EEF1A2: variants seen among roughly 807,000 people sequenced by gnomAD.
EEF1A2 encodes eukaryotic translation elongation factor 1 alpha 2, also known as elongation factor 1-alpha 2.
Under a neutral mutation model 39.3 loss-of-function variants are expected in EEF1A2, and 5 were observed. The ratio of observed to expected loss-of-function variants is 0.13; its 90% CI spans 0.07 to 0.27. The LOEUF (loss-of-function observed/expected upper bound fraction) is 0.27. EEF1A2 is among the 10% of genes least tolerant of loss of function. The pLI, the probability that EEF1A2 is intolerant of heterozygous loss-of-function variation, is 1.00. For missense variants in EEF1A2, 218 were observed against 681.4 expected, an observed-to-expected ratio of 0.32 and a Z score of 7.57; for synonymous variants, 287 against 293.7, an observed-to-expected ratio of 0.98 and a Z score of 0.23.
intron 5 of EEF1A2, among the ~76,000 whole-genome samples, chr20:63,491,770 A>G (rs1360267150): frequency 7.6e-6 from 1 of 132,436 alleles, no homozygotes; most frequent in Non-Finnish European, 1.6e-5. Context: ...GGATTGGTGG[A>G]TGGATGGATG....
In EEF1A2 at chr20:63,497,552, A is replaced by C. The variant is rs887707387; in HGVS notation, c.144+68T>G. Reference sequence around the variant, plus strand: ...CCATGCCCTGGGGCTGGGAGATGCCAAGCCTGGCCACCACGGGAGTTGGGG... The same window carrying C: ...CCATGCCCTGGGGCTGGGAGATGCCCAGCCTGGCCACCACGGGAGTTGGGG... On this transcript the variant is annotated intron_variant, in intron 2 of 7. Coordinates refer to ENST00000217182, the MANE Select transcript of EEF1A2 (RefSeq NM_001958.5). The surrounding 1 kb of genome is among the most constrained non-coding windows in gnomAD (Gnocchi z 7.3). 6.4e-7 allele frequency: 1 copy of C among 1,560,422 alleles called. No homozygotes were observed. The highest frequency in any genetic ancestry group is 8.7e-7 in the Non-Finnish European group (1 of 1,151,304).
At chr20:63,489,249 G>A in intron 6 of EEF1A2, 97 bp from the exon 7 acceptor site, 1 of 1,260,570 alleles carries the variant, frequency 7.9e-7, no homozygotes, top group Non-Finnish European at 1.1e-6. Flanking sequence ...CGGCGCCCCT[G>A]CACGGGCTCC....
chr20:63,490,068 T>TTTTTTTTTTTTTTTTTTTTTTTTTTTC (rs1491473743), intron 6 of EEF1A2: 3 of 66,714 alleles, frequency 4.5e-5, no homozygotes, highest in Non-Finnish European at 1.0e-4. Context: ...GTCCCTTTTC[T>TTTTTTTTTTTTTTTTTTTTTTTTTTTC]TTTTTTTTTT....
In EEF1A2 at chr20:63,489,182, G is replaced by A. The variant is rs532099856; in HGVS notation, c.1030-30C>T. The A allele has an allele frequency of 5.3e-4, 851 of 1,602,760 alleles. 13 individuals are homozygous for A. The South Asian group carries it at 8.6e-3, about 16-fold the overall frequency. ...GAGCGGAGCCACAGGCGGCCATCAG[G>A]CACATCGGCGGTGGGCACCGGGAGG... On this transcript the variant is annotated intron_variant, in intron 6 of 7. Coordinates refer to ENST00000217182, the MANE Select transcript of EEF1A2 (RefSeq NM_001958.5).
chr20:63,489,421 G>T (rs1446118190), intron 6 of EEF1A2, among the ~76,000 whole-genome samples: 1 of 150,202 alleles, frequency 6.7e-6, no homozygotes, highest in East Asian at 1.9e-4. Flanking sequence ...GAACTAAGGC[G>T]GGGGGGTGAC....
rs1246419909 is a variant in EEF1A2 at position 63,489,267 on chromosome 20, G to A, written c.1030-115C>T. 8.3e-5 allele frequency: 86 copies of A among 1,038,576 alleles called. No homozygotes were observed. In the East Asian group the frequency reaches 1.9e-3, roughly 23 times the overall value. 64.3% of individuals were successfully genotyped at this position (1,038,576 alleles called of 1,614,324 possible). A position where few individuals can be genotyped will look rare whatever the true frequency, so the allele number is the denominator to read the frequency against. ...CGCCCCTGCACGGGCTCCTGGGCCC[G>A]GAGTGCTGACTGGAGGGGGCTCAGG... is the stretch of plus-strand genomic sequence containing the variant. On this transcript the variant is annotated intron_variant, in intron 6 of 7. Coordinates refer to ENST00000217182, the MANE Select transcript of EEF1A2 (RefSeq NM_001958.5).
Position 63,497,918 on chromosome 20 carries a change from G to T in EEF1A2, c.-71-84C>A. The T allele has an allele frequency of 2.9e-6, 3 of 1,049,406 alleles. No individual in the cohort carries two copies. The highest frequency in any genetic ancestry group is 1.6e-5 in the African/African-American group (1 of 62,286). 65.0% of individuals were successfully genotyped at this position (1,049,406 alleles called of 1,614,324 possible). A position where few individuals can be genotyped will look rare whatever the true frequency, so the allele number is the denominator to read the frequency against. ...GCAGAGACTGTCCTGGCACAGGCTG[G>T]ACAGGCATCCCTGCCCACAAACCAA... On this transcript the variant is annotated intron_variant, in intron 1 of 7. Transcript: ENST00000217182. This position sits in a 1 kb window ranked among gnomAD's most constrained non-coding sequence, Gnocchi z 7.3.
At position 63,488,479 on chromosome 20, in the gene EEF1A2, A is replaced by G. The variant is rs548808213; in HGVS notation, c.1265-54T>C. 3.3e-4 allele frequency: 445 copies of G among 1,335,600 alleles called. 2 individuals carry two copies. In the African/African-American group the frequency reaches 6.4e-3, roughly 19 times the overall value. 82.7% of individuals were successfully genotyped at this position (1,335,600 alleles called of 1,614,324 possible). A position where few individuals can be genotyped will look rare whatever the true frequency, so the allele number is the denominator to read the frequency against. On this transcript the variant is annotated intron_variant, in intron 7 of 7. Coordinates refer to ENST00000217182, the MANE Select transcript of EEF1A2 (RefSeq NM_001958.5). ...GGGCCGGAGGACTTGACCCCCCCCA[A>G]CCCCAGGGCTCTGGCCGGGCGGGGG...
At chr20:63,493,642 G>A (rs1030704861) in intron 4 of EEF1A2, among the ~76,000 whole-genome samples, 1 of 152,188 alleles carries the variant, frequency 6.6e-6, no homozygotes, top group Non-Finnish European at 1.5e-5. Flanking sequence ...TTGACTAGGA[G>A]GATGCTGAGT....
intron 2 of EEF1A2, chr20:63,496,352 G>A (rs1169810090): frequency 1.7e-5 from 6 of 363,034 alleles, no homozygotes; most frequent in Admixed American, 1.3e-4. Flanking sequence ...CCTCCCGGGC[G>A]AGGGCTCCCC....
rs754595612 is a variant in EEF1A2, at chr20:63,493,125, G to A, written c.772+12C>T. The A allele has an allele frequency of 2.2e-5, 34 of 1,546,004 alleles. No individual in the cohort carries two copies. Among genetic ancestry groups the A allele is most frequent in the East Asian group, 7.3e-5 (3 of 40,920 alleles). On this transcript the variant is annotated intron_variant, in intron 5 of 7. Coordinates refer to ENST00000217182, the MANE Select transcript of EEF1A2 (RefSeq NM_001958.5). ...GGCCAGGCAGGAGCTCCAGCACAGCGCCCTTGCTCACCGCCAATCTTGTAC... is the reference window on the plus strand; with the variant it reads ...GGCCAGGCAGGAGCTCCAGCACAGCACCCTTGCTCACCGCCAATCTTGTAC...
At chr20:63,489,286 G>A in intron 6 of EEF1A2, 134 bp from the exon 7 acceptor site, 1 of 820,636 alleles carries the variant, frequency 1.2e-6, no homozygotes, top group Non-Finnish European at 1.9e-6. Flanking sequence ...ACTGGAGGGG[G>A]CTCAGGCTCT....
At chr20:63,493,452 C>G (rs1326010801) in intron 4 of EEF1A2, among the ~76,000 whole-genome samples, 165 bp from the exon 5 acceptor site, 1 of 152,114 alleles carries the variant, frequency 6.6e-6, no homozygotes, top group African/African-American at 2.4e-5. Context: ...CCCATAGCCC[C>G]AGCATCACAG....
Position 63,497,597 on chromosome 20 carries a change from A to C in EEF1A2, c.144+23T>G. 1 of 1,605,482 alleles carries C rather than the reference A, an allele frequency of 6.2e-7. No individual in the cohort carries two copies. Among genetic ancestry groups the C allele is most frequent in the Non-Finnish European group, 8.5e-7 (1 of 1,175,386 alleles). ...TTGGGGGTTCCTTCTCAGGGGGCCA[A>C]GACCATAGCCTGGGGAGCTCACCTC... is the stretch of plus-strand genomic sequence containing the variant. On this transcript the variant is annotated intron_variant, in intron 2 of 7. Transcript: ENST00000217182. This position sits in a 1 kb window ranked among gnomAD's most constrained non-coding sequence, Gnocchi z 7.3.
chr20:63,488,901 G>T lies in EEF1A2; in HGVS notation c.1264+17C>A. The T allele has an allele frequency of 6.2e-7, 1 of 1,607,138 alleles. No homozygotes were observed. Among genetic ancestry groups the T allele is most frequent in the Non-Finnish European group, 8.5e-7 (1 of 1,179,368 alleles). On this transcript the variant is annotated intron_variant, in intron 7 of 7. Transcript: ENST00000217182. Reference sequence around the variant, plus strand: ...CACAGCCTGGGGGCTGCACCTCCCCGGACCACCCCGGCTCACCGAGAGGCG... The same window carrying T: ...CACAGCCTGGGGGCTGCACCTCCCCTGACCACCCCGGCTCACCGAGAGGCG...
Position 63,497,950 on chromosome 20 carries a change from A to G in EEF1A2, c.-71-116T>C. On this transcript the variant is annotated intron_variant, in intron 1 of 7. Coordinates refer to ENST00000217182, the MANE Select transcript of EEF1A2 (RefSeq NM_001958.5). The surrounding 1 kb of genome is among the most constrained non-coding windows in gnomAD (Gnocchi z 7.3). ...ATCCCTGCCCACAAACCAAGCCCCC[A>G]TGTTTGGTGGGGAGGGAAGGGCCCC... 2 of 779,082 alleles carry G rather than the reference A, an allele frequency of 2.6e-6. No individual in the cohort carries two copies. Among genetic ancestry groups the G allele is most frequent in the Non-Finnish European group, 3.8e-6 (2 of 521,510 alleles). The allele number at this position is 779,082 out of a possible 1,614,324, so 48.3% of individuals were successfully genotyped here.
rs1204531080 is a variant in EEF1A2 at position 63,488,293 on chromosome 20, G to A, written c.*5C>T. 5 of 1,288,324 alleles carry A rather than the reference G, an allele frequency of 3.9e-6. No individual in the cohort carries two copies. Among genetic ancestry groups the A allele is most frequent in the African/African-American group, 3.2e-5 (2 of 63,264 alleles). The allele number at this position is 1,288,324 out of a possible 1,614,324, so 79.8% of individuals were successfully genotyped here. A position where few individuals can be genotyped will look rare whatever the true frequency, so the allele number is the denominator to read the frequency against. ...GGGGAGGGTCGCGCCGCGGGCGCCC[G>A]CGCTTCACTTGCCCGCCTTCTGCGC... On this transcript the variant is annotated 3_prime_UTR_variant, in exon 8 of 8. Coordinates refer to ENST00000217182, the MANE Select transcript of EEF1A2 (RefSeq NM_001958.5).
intron 4 of EEF1A2, among the ~76,000 whole-genome samples, chr20:63,494,386 C>T (rs310616): frequency 0.5 from 75,619 of 152,148 alleles, 19,145 homozygotes; most frequent in East Asian, 0.59. Context: ...GCTCCAAGAT[C>T]CCAGGGGAGG....
At position 63,497,881 on chromosome 20, in the gene EEF1A2, G is replaced by C; in HGVS notation, c.-71-47C>G. ...GGAGACCGGTGATGGGGAGCCCCAG[G>C]GGGAGACACCAGCAGAGACTGTCCT... On this transcript the variant is annotated intron_variant, in intron 1 of 7. Transcript: ENST00000217182. The surrounding 1 kb of genome is among the most constrained non-coding windows in gnomAD (Gnocchi z 7.3). 1 of 1,364,522 alleles carries C rather than the reference G, an allele frequency of 7.3e-7. No individual in the cohort carries two copies. The highest frequency in any genetic ancestry group is 1.4e-5 in the South Asian group (1 of 73,738). The allele number at this position is 1,364,522 out of a possible 1,614,324, so 84.5% of individuals were successfully genotyped here.
Sources: allele counts gnomAD v4.1 joint callset (sites outside exome capture counted in the v4.1 genomes callset), GRCh38; gene constraint gnomAD v4.1.1; non-coding constraint Gnocchi (gnomAD v3.1); transcripts MANE v1.5; gene names NCBI Gene and HGNC (gene_info 2026-07-23, HGNC 2026-07-21).